Variants in SLC38A1 observed in about 807,000 individuals in gnomAD.
SLC38A1 encodes solute carrier family 38 member 1.
SLC38A1 carries 18 observed loss-of-function variants against 60.3 expected under a neutral mutation model. The ratio of observed to expected loss-of-function variants is 0.30; its 90% CI spans 0.21 to 0.44. SLC38A1 has a LOEUF of 0.44. Ranked by LOEUF, SLC38A1 falls within the 20% of genes least tolerant of loss-of-function variation. The pLI is 1.00. For synonymous variants in SLC38A1, 196 were observed against 212.1 expected (o/e 0.92, Z 0.66); for missense variants, 448 against 587.2 (o/e 0.76, Z 2.45).
At chr12:46,238,273 G>C (rs1041867031) in intron 3 of SLC38A1, among the ~76,000 whole-genome samples, 2 of 148,742 alleles carry the variant, frequency 1.3e-5, no homozygotes, top group African/African-American at 5.2e-5. Context: ...ACAGTTGACC[G>C]TACTTGGATA....
intron 16 of SLC38A1, among the ~76,000 whole-genome samples, chr12:46,193,359 C>T (rs968516718): frequency 3.3e-5 from 5 of 152,032 alleles, no homozygotes; most frequent in East Asian, 1.9e-4. Context: ...AATTATGTGG[C>T]CAATTTTAGA....
chr12:46,214,611 G>A (rs1940321029), intron 5 of SLC38A1, among the ~76,000 whole-genome samples: 1 of 152,058 alleles, frequency 6.6e-6, no homozygotes, highest in African/African-American at 2.4e-5. Context: ...CTGTATTTGG[G>A]TAAATTTAAC....
intron 1 of SLC38A1, chr12:46,267,118 C>T (rs2139146216): frequency 6.6e-6 from 1 of 152,294 alleles, no homozygotes; most frequent in South Asian, 2.1e-4. Flanking sequence ...CTCGCTGGGC[C>T]CTGCATTCTG....
rs769660881 is a variant in SLC38A1 at position 46,239,847 on chromosome 12, T to C, written c.-47A>G. 2 of 1,604,926 alleles carry C rather than the reference T, an allele frequency of 1.2e-6. No individual in the cohort carries two copies. The highest frequency in any genetic ancestry group is 1.7e-6 in the Non-Finnish European group (2 of 1,175,940). On this transcript the variant is annotated 5_prime_UTR_variant, in exon 3 of 17. Transcript: ENST00000398637. The stretch of plus-strand genomic sequence containing the variant: ...TGAAAATTAGTCCAAATTTCTCCTG[T>C]TCTGAGTGTATTTAGAAGTAGATAC...
intron 16 of SLC38A1, among the ~76,000 whole-genome samples, chr12:46,194,690 CT>C (rs2136912028): frequency 1.3e-5 from 2 of 152,340 alleles, no homozygotes; most frequent in South Asian, 4.1e-4. Context: ...TCTTCAATCA[CT>C]GATATCCTTT....
chr12:46,201,077 G>A (rs1333473985), intron 13 of SLC38A1, 21 bp downstream of exon 13: 4 of 1,460,480 alleles, frequency 2.7e-6, no homozygotes, highest in East Asian at 4.6e-5. Flanking sequence ...TTATATTTAT[G>A]TACCAGTAGA....
chr12:46,260,088 T>C (rs1190563353), intron 1 of SLC38A1, among the ~76,000 whole-genome samples: 1 of 152,224 alleles, frequency 6.6e-6, no homozygotes. Context: ...ACTTGGTCCA[T>C]GTGCAGCACT....
chr12:46,183,473 T>C lies in SLC38A1; in HGVS notation c.*5497A>G, dbSNP rs1938835396. 1 of 152,210 alleles carries C rather than the reference T, an allele frequency of 6.6e-6. No homozygotes were observed. Among genetic ancestry groups the C allele is most frequent in the Non-Finnish European group, 1.5e-5 (1 of 68,026 alleles). 9.4% of individuals were successfully genotyped at this position (152,210 alleles called of 1,614,324 possible). A position where few individuals can be genotyped will look rare whatever the true frequency, so the allele number is the denominator to read the frequency against. ...ATTAGATAATGGTTCTTTGTTTTCT[T>C]TCCTTCAAATTTGTGCTCATAATTA... is the stretch of plus-strand genomic sequence containing the variant. On this transcript the variant is annotated 3_prime_UTR_variant, in exon 17 of 17. Transcript: ENST00000398637.
intron 16 of SLC38A1, 36 bp from the exon 17 acceptor site, chr12:46,189,107 C>G (rs759920052): frequency 6.3e-7 from 1 of 1,576,720 alleles, no homozygotes; most frequent in Admixed American, 1.7e-5. Flanking sequence ...ATTTTCAGTG[C>G]AGCAAAATTT....
rs1555191161 is a variant in SLC38A1 at position 46,249,168 on chromosome 12, A to AAAAAAAGAG, written c.-208-5855_-208-5854insCTCTTTTTT. ...GAGACTCCGCCTCAAAAAAAAAAAA[A>AAAAAAAGAG]AAAAAAAGAAACTCACTCAAAACCG... On this transcript the variant is annotated intron_variant, in intron 1 of 16. Transcript: ENST00000398637. 3.2e-5 allele frequency among the ~76,000 whole-genome samples: 4 copies of AAAAAAAGAG among 126,480 alleles called. No homozygotes were observed. In the East Asian group the frequency reaches 8.8e-4, roughly 28 times the overall value. The allele number at this position is 126,480 out of a possible 152,430, so 83.0% of individuals were successfully genotyped here. A position where few individuals can be genotyped will look rare whatever the true frequency, so the allele number is the denominator to read the frequency against.
chr12:46,258,106 A>AGTGAGGAC (rs1942089273), intron 1 of SLC38A1, among the ~76,000 whole-genome samples: 1 of 152,194 alleles, frequency 6.6e-6, no homozygotes, highest in African/African-American at 2.4e-5. Flanking sequence ...GGAGTGTAGC[A>AGTGAGGAC]GTGAGGACGA....
In SLC38A1 at chr12:46,185,616, T is replaced by C. The variant is rs961609979; in HGVS notation, c.*3354A>G. 2 of 152,048 alleles carry C rather than the reference T, an allele frequency of 1.3e-5. No homozygotes were observed. Among genetic ancestry groups the C allele is most frequent in the African/African-American group, 4.8e-5 (2 of 41,340 alleles). 9.4% of individuals were successfully genotyped at this position (152,048 alleles called of 1,614,324 possible). Reference sequence around the variant, plus strand: ...ACATTGGAGAAGCTATGCAGCAGCATCCTTTTCTGTGGTGGGCAGGGCAGG... The same window carrying C: ...ACATTGGAGAAGCTATGCAGCAGCACCCTTTTCTGTGGTGGGCAGGGCAGG... On this transcript the variant is annotated 3_prime_UTR_variant, in exon 17 of 17. Coordinates refer to ENST00000398637, the MANE Select transcript of SLC38A1 (RefSeq NM_030674.4).
At position 46,239,814 on chromosome 12, in the gene SLC38A1, C is replaced by T. The variant is rs961335970; in HGVS notation, c.-14G>A. On this transcript the variant is annotated 5_prime_UTR_variant, in exon 3 of 17. Transcript: ENST00000398637. Reference sequence around the variant, plus strand: ...GAAATGCATCATGATTAGAAAGTGTCTGTAGTTTGAAAATTAGTCCAAATT... The same window carrying T: ...GAAATGCATCATGATTAGAAAGTGTTTGTAGTTTGAAAATTAGTCCAAATT... 3.7e-6 allele frequency: 6 copies of T among 1,611,688 alleles called. No homozygotes were observed. Among genetic ancestry groups the T allele is most frequent in the East Asian group, 2.2e-5 (1 of 44,850 alleles).
At chr12:46,267,052 T>A (rs569450904) in intron 1 of SLC38A1, among the ~76,000 whole-genome samples, 1 of 152,320 alleles carries the variant, frequency 6.6e-6, no homozygotes, top group Non-Finnish European at 1.5e-5. Context: ...CCTTCTGACG[T>A]CAGAAAAAGC....
intron 5 of SLC38A1, among the ~76,000 whole-genome samples, chr12:46,226,503 G>A (rs1348547956): frequency 6.6e-6 from 1 of 151,376 alleles, no homozygotes; most frequent in East Asian, 1.9e-4. Flanking sequence ...TGAAAATAAA[G>A]GAAAGATTAA....
chr12:46,189,339 T>C (rs1939047344), intron 16 of SLC38A1, among the ~76,000 whole-genome samples: 1 of 152,040 alleles, frequency 6.6e-6, no homozygotes, highest in Non-Finnish European at 1.5e-5. Context: ...CTCAAGTGTA[T>C]GTATCCATTC....
At chr12:46,218,555 T>C (rs1940516702) in intron 5 of SLC38A1, among the ~76,000 whole-genome samples, 1 of 152,158 alleles carries the variant, frequency 6.6e-6, no homozygotes, top group African/African-American at 2.4e-5. Context: ...ATGTCAGTCA[T>C]CTTGGGCAAG....
intron 16 of SLC38A1, among the ~76,000 whole-genome samples, chr12:46,191,633 T>C (rs1348157694): frequency 1.3e-5 from 2 of 152,206 alleles, no homozygotes; most frequent in East Asian, 3.9e-4. Context: ...TAGTTCTCCT[T>C]GAAGAGGTCC....
At chr12:46,212,065 G>C (rs1245207644) in intron 5 of SLC38A1, among the ~76,000 whole-genome samples, 1 of 152,162 alleles carries the variant, frequency 6.6e-6, no homozygotes, top group Non-Finnish European at 1.5e-5. Flanking sequence ...TTGTCTAATT[G>C]ACTCTAATAG....
Sources: gnomAD v4.1 joint callset for allele counts (sites outside exome capture counted in the v4.1 genomes callset) on GRCh38, gnomAD v4.1.1 for gene constraint, MANE v1.5 for transcripts, NCBI Gene and HGNC (gene_info 2026-07-23, HGNC 2026-07-21) for gene names.